Variants in KIAA1217 observed in about 807,000 individuals in gnomAD.
The protein encoded by KIAA1217 is KIAA1217.
A neutral mutation model predicts 163.9 loss-of-function variants in KIAA1217; 88 were observed. The ratio of observed to expected loss-of-function variants is 0.54; its 90% CI spans 0.45 to 0.64. The LOEUF is 0.64. KIAA1217 is among the 30% of genes least tolerant of loss of function. KIAA1217 has a pLI of 0.00. For synonymous variants in KIAA1217, 903 were observed against 923.1 expected (o/e 0.98, Z 0.39); for missense variants, 2,372 against 2,475.0 (o/e 0.96, Z 0.88).
At chr10:24,291,315 G>A (rs1440881040) in intron 2 of KIAA1217, among the ~76,000 whole-genome samples, 4 of 152,126 alleles carry the variant, frequency 2.6e-5, no homozygotes, top group Admixed American at 2.0e-4. Context: ...GATCACCTGA[G>A]GTCAGGAATT....
At chr10:23,969,191 T>C (rs1404370861) in intron 1 of KIAA1217, among the ~76,000 whole-genome samples, 1 of 152,160 alleles carries the variant, frequency 6.6e-6, no homozygotes, top group Non-Finnish European at 1.5e-5. Context: ...CGCGCCACTA[T>C]GCCTGCCTAA....
intron 1 of KIAA1217, among the ~76,000 whole-genome samples, chr10:23,847,942 A>T (rs1157427378): frequency 1.3e-5 from 2 of 151,942 alleles, no homozygotes; most frequent in African/African-American, 4.8e-5. Context: ...GTTTCAAAAA[A>T]CCTCATTATT....
At chr10:23,927,765 C>T (rs1026117323) in intron 1 of KIAA1217, among the ~76,000 whole-genome samples, 4 of 152,120 alleles carry the variant, frequency 2.6e-5, no homozygotes, top group African/African-American at 9.7e-5. Flanking sequence ...AGCAGATTCC[C>T]ATATAAACAG....
chr10:24,137,135 CA>C (rs1449552653), intron 2 of KIAA1217, among the ~76,000 whole-genome samples: 6 of 152,306 alleles, frequency 3.9e-5, no homozygotes, highest in South Asian at 2.1e-4. Flanking sequence ...AGGACATTGG[CA>C]ACTATTAATC....
intron 1 of KIAA1217, among the ~76,000 whole-genome samples, chr10:23,963,360 G>T (rs1308193953): frequency 2.0e-5 from 3 of 152,130 alleles, no homozygotes; most frequent in Non-Finnish European, 4.4e-5. Context: ...GTGAGAACCT[G>T]CAGTGCTTGG....
intron 2 of KIAA1217, among the ~76,000 whole-genome samples, chr10:24,187,677 G>T (rs1325934445): frequency 6.6e-6 from 1 of 152,020 alleles, no homozygotes; most frequent in East Asian, 1.9e-4. Flanking sequence ...GATCACCTGA[G>T]GGCAGGAGTT....
chr10:24,358,942 C>A (rs1411119651), intron 2 of KIAA1217, among the ~76,000 whole-genome samples: 3 of 152,092 alleles, frequency 2.0e-5, no homozygotes, highest in African/African-American at 7.2e-5. Context: ...CAGGAGCACA[C>A]AGGAGTTCAG....
chr10:24,237,651 C>T (rs2072472811), intron 2 of KIAA1217, among the ~76,000 whole-genome samples: 1 of 152,208 alleles, frequency 6.6e-6, no homozygotes, highest in Non-Finnish European at 1.5e-5. Context: ...TCCACCCCAT[C>T]TTCAGATTTG....
intron 2 of KIAA1217, among the ~76,000 whole-genome samples, chr10:24,086,175 TA>T (rs1342813136): frequency 6.6e-6 from 1 of 152,108 alleles, no homozygotes; most frequent in Non-Finnish European, 1.5e-5. Flanking sequence ...AGGAAGGCTT[TA>T]AAAGGAGATT....
At chr10:24,413,552 G>A (rs1042762356) in intron 3 of KIAA1217, among the ~76,000 whole-genome samples, 4 of 152,078 alleles carry the variant, frequency 2.6e-5, no homozygotes, top group African/African-American at 9.7e-5. Context: ...CTGTTGCCTT[G>A]CAGCTCAATC....
intron 1 of KIAA1217, among the ~76,000 whole-genome samples, chr10:23,710,578 T>C (rs1837187617): frequency 6.6e-6 from 1 of 152,238 alleles, no homozygotes; most frequent in African/African-American, 2.4e-5. Flanking sequence ...TTTTGTTCTA[T>C]GCTGATACAA....
At chr10:23,866,316 ACTC>A (rs1381846561) in intron 1 of KIAA1217, among the ~76,000 whole-genome samples, 1 of 152,064 alleles carries the variant, frequency 6.6e-6, no homozygotes, top group Non-Finnish European at 1.5e-5. Flanking sequence ...CTCAGGGAGA[ACTC>A]CTCTGTTATG....
intron 5 of KIAA1217, among the ~76,000 whole-genome samples, chr10:24,470,982 A>G (rs1205227308): frequency 6.6e-6 from 1 of 152,194 alleles, no homozygotes; most frequent in African/African-American, 2.4e-5. Context: ...GGGAGTTTCC[A>G]TGGAACTTGG....
intron 1 of KIAA1217, among the ~76,000 whole-genome samples, chr10:23,782,199 GAA>G (rs1835289178): frequency 6.6e-6 from 1 of 152,014 alleles, no homozygotes; most frequent in South Asian, 2.1e-4. Flanking sequence ...TCATGAATAT[GAA>G]ATATCTTTCC....
At chr10:23,899,672 CT>C (rs1346225441) in intron 1 of KIAA1217, among the ~76,000 whole-genome samples, 1 of 152,026 alleles carries the variant, frequency 6.6e-6, no homozygotes, top group Non-Finnish European at 1.5e-5. Flanking sequence ...TGCACAGAAT[CT>C]TTGAATGAAA....
At chr10:24,096,720 T>A (rs992663196) in intron 2 of KIAA1217, among the ~76,000 whole-genome samples, 1 of 152,144 alleles carries the variant, frequency 6.6e-6, no homozygotes, top group Non-Finnish European at 1.5e-5. Context: ...TCATCATTAT[T>A]CACCCTCAGG....
intron 1 of KIAA1217, among the ~76,000 whole-genome samples, chr10:23,742,489 G>T (rs1407531502): frequency 3.9e-5 from 6 of 152,208 alleles, no homozygotes; most frequent in Admixed American, 3.9e-4. Context: ...CTCAGCTTCT[G>T]GGGAGGGCTT....
intron 2 of KIAA1217, among the ~76,000 whole-genome samples, chr10:24,320,879 T>C (rs1297395544): frequency 6.6e-6 from 1 of 151,912 alleles, no homozygotes; most frequent in Non-Finnish European, 1.5e-5. Context: ...CTGTCTCTAC[T>C]AAAAATACAA....
chr10:23,833,058 G>A (rs1838287475), intron 1 of KIAA1217, among the ~76,000 whole-genome samples: 1 of 152,050 alleles, frequency 6.6e-6, no homozygotes, highest in African/African-American at 2.4e-5. Context: ...TGGGGACACA[G>A]CCAAACCATA....
Sources: gnomAD v4.1 joint callset for allele counts (sites outside exome capture counted in the v4.1 genomes callset) on GRCh38, gnomAD v4.1.1 for gene constraint, MANE v1.5 for transcripts, NCBI Gene and HGNC (gene_info 2026-07-23, HGNC 2026-07-21) for gene names.